Variants in AGBL4 observed in about 807,000 individuals in gnomAD.
AGBL4 encodes AGBL carboxypeptidase 4.
A neutral mutation model predicts 66.4 loss-of-function variants in AGBL4; 58 were observed. The ratio of observed to expected loss-of-function variants is 0.87; its 90% confidence interval spans 0.71 to 1.09. AGBL4 has a LOEUF of 1.09. Ranked by LOEUF, AGBL4 falls within the 50% of genes least tolerant of loss-of-function variation. The pLI, the probability that AGBL4 is intolerant of heterozygous loss-of-function variation, is 0.00. For synonymous variants in AGBL4, 234 were observed against 222.9 expected (o/e 1.05, Z -0.44); for missense variants, 579 against 631.0 (o/e 0.92, Z 0.88).
At chr1:48,718,773 A>G (rs745639502) in intron 6 of AGBL4, among the ~76,000 whole-genome samples, 1 of 152,064 alleles carries the variant, frequency 6.6e-6, no homozygotes, top group African/African-American at 2.4e-5. Flanking sequence ...ATTATAATTG[A>G]GCCTGTATAA....
At chr1:48,778,255 A>C (rs1645189802) in intron 6 of AGBL4, among the ~76,000 whole-genome samples, 2 of 152,146 alleles carry the variant, frequency 1.3e-5, no homozygotes, top group Admixed American at 1.3e-4. Context: ...CACCTGCCAG[A>C]TTCTGGGCCA....
intron 4 of AGBL4, among the ~76,000 whole-genome samples, chr1:49,108,160 A>G (rs1400745646): frequency 6.6e-6 from 1 of 152,144 alleles, no homozygotes; most frequent in Non-Finnish European, 1.5e-5. Context: ...GCCATTCCAT[A>G]GCTACTTCTC....
intron 6 of AGBL4, among the ~76,000 whole-genome samples, chr1:48,698,408 A>C (rs1303199978): frequency 6.6e-6 from 1 of 152,200 alleles, no homozygotes; most frequent in Non-Finnish European, 1.5e-5. Context: ...CTCCTTACCC[A>C]ACACCAACAT....
rs146455155 is a variant in AGBL4 at position 49,106,258 on chromosome 1, C to T, written c.378-60458G>A. On this transcript the variant is annotated intron_variant, in intron 4 of 13. Transcript: ENST00000371839. ...CCTTTACCAAAAGGGTTTTACCTTG[C>T]TTAAATCACACATACATACCTCACA... Among the ~76,000 whole-genome samples, 585 of 152,286 alleles carry T rather than the reference C, an allele frequency of 3.8e-3. 2 individuals are homozygous for T. Among genetic ancestry groups the T allele is most frequent in the Non-Finnish European group, 6.0e-3 (411 of 68,034 alleles).
chr1:49,510,531 G>T (rs2148781419), intron 3 of AGBL4, among the ~76,000 whole-genome samples: 1 of 150,716 alleles, frequency 6.6e-6, no homozygotes, highest in South Asian at 2.1e-4. Flanking sequence ...CATGTTGTAG[G>T]TTGCCTGTTC....
chr1:48,616,757 C>G (rs989971352), intron 9 of AGBL4, among the ~76,000 whole-genome samples: 5 of 152,224 alleles, frequency 3.3e-5, no homozygotes, highest in African/African-American at 1.2e-4. Context: ...TCCTTAGTGT[C>G]TTTTCTCCTT....
At position 49,543,613 on chromosome 1, in the gene AGBL4, G is replaced by A. The variant is rs144121881; in HGVS notation, c.282+153700C>T. ...GTTCTGAAACTTAAGTATTTTTCTC[G>A]TAATGGGTTATCTTGTAAAGCCAGG... On this transcript the variant is annotated intron_variant, in intron 3 of 13. Coordinates refer to ENST00000371839, the MANE Select transcript of AGBL4 (RefSeq NM_032785.4). 7.9e-5 allele frequency among the ~76,000 whole-genome samples: 12 copies of A among 152,168 alleles called. No homozygotes were observed. In the East Asian group the frequency reaches 1.9e-3, roughly 25 times the overall value.
At chr1:49,534,016 A>G (rs1458488000) in intron 3 of AGBL4, among the ~76,000 whole-genome samples, 1 of 152,008 alleles carries the variant, frequency 6.6e-6, no homozygotes, top group East Asian at 1.9e-4. Flanking sequence ...GAGGGGTCAA[A>G]TTTCTATAAT....
At chr1:48,537,174 G>C (rs1421853458) in intron 12 of AGBL4, among the ~76,000 whole-genome samples, 1 of 152,186 alleles carries the variant, frequency 6.6e-6, no homozygotes, top group Non-Finnish European at 1.5e-5. Context: ...TCAGAGTCTT[G>C]TATCCTCCTG....
intron 12 of AGBL4, 129 bp from the exon 13 acceptor site, chr1:48,535,045 T>A: frequency 1.2e-6 from 1 of 859,146 alleles, no homozygotes; most frequent in East Asian, 2.7e-5. Flanking sequence ...AGGACGTAAG[T>A]ATGTTTTTAT....
chr1:49,874,093 G>C (rs974825308), intron 1 of AGBL4, among the ~76,000 whole-genome samples: 4 of 152,042 alleles, frequency 2.6e-5, no homozygotes, highest in Non-Finnish European at 5.9e-5. Context: ...CAACAAAGCT[G>C]CAATGGTAAT....
intron 10 of AGBL4, among the ~76,000 whole-genome samples, chr1:48,588,857 G>GAAGAGAA (rs1569904856): frequency 6.6e-6 from 1 of 151,366 alleles, no homozygotes; most frequent in East Asian, 1.9e-4. Context: ...GAAGAGAAGA[G>GAAGAGAA]AAGGGAAGAG....
chr1:49,395,848 TAC>T (rs60839144), intron 3 of AGBL4, among the ~76,000 whole-genome samples: 72,806 of 126,022 alleles, frequency 0.58, 20,812 homozygotes, highest in Middle Eastern at 0.65. Flanking sequence ...TATATATATA[TAC>T]ACACATAAAT....
chr1:49,562,528 G>A (rs183817209), intron 3 of AGBL4, among the ~76,000 whole-genome samples: 64 of 152,166 alleles, frequency 4.2e-4, no homozygotes, highest in Non-Finnish European at 1.8e-4. Context: ...TCTGCTTATG[G>A]CTAGCCAGTT....
chr1:49,118,847 G>C (rs1424534708), intron 4 of AGBL4, among the ~76,000 whole-genome samples: 1 of 151,984 alleles, frequency 6.6e-6, no homozygotes, highest in African/African-American at 2.4e-5. Context: ...TTGGTTGGTA[G>C]GCTATTAATT....
At chr1:49,678,775 TTC>T (rs924700729) in intron 3 of AGBL4, among the ~76,000 whole-genome samples, 25 of 152,150 alleles carry the variant, frequency 1.6e-4, no homozygotes, top group African/African-American at 6.0e-4. Flanking sequence ...ATTTTTATTT[TTC>T]TGTTATTTGC....
chr1:48,803,569 T>C lies in AGBL4; in HGVS notation c.634+63622A>G, dbSNP rs926318297. Among the ~76,000 whole-genome samples the C allele has an allele frequency of 1.1e-4, 17 of 152,224 alleles. No homozygotes were observed. The East Asian group carries it at 2.7e-3, about 24-fold the overall frequency. On this transcript the variant is annotated intron_variant, in intron 6 of 13. Transcript: ENST00000371839. ...TGGACATCTTAAGGAAGGCAAGTCA[T>C]GGTATAATGGTTTAAACAAAGGAAT...
chr1:49,043,213 T>C (rs10888644), intron 5 of AGBL4, among the ~76,000 whole-genome samples: 93,780 of 152,008 alleles, frequency 0.62, 29,398 homozygotes, highest in Middle Eastern at 0.68. Context: ...ACTCTCCACC[T>C]TTCTATATCT....
At chr1:48,780,693 A>C (rs1338711918) in intron 6 of AGBL4, among the ~76,000 whole-genome samples, 1 of 152,218 alleles carries the variant, frequency 6.6e-6, no homozygotes, top group Non-Finnish European at 1.5e-5. Context: ...TTCCCTGTTT[A>C]ATAAATAGTG....
Sources: allele counts gnomAD v4.1 joint callset (sites outside exome capture counted in the v4.1 genomes callset), GRCh38; gene constraint gnomAD v4.1.1; transcripts MANE v1.5; gene names NCBI Gene and HGNC (gene_info 2026-07-23, HGNC 2026-07-21).